Variants in EEIG1 observed in about 807,000 individuals in gnomAD.
EEIG1 encodes early estrogen-induced gene 1 protein.
the EEIG1 span, chr9:127,940,982 T>C: frequency 6.6e-6 from 1 of 152,138 alleles, no homozygotes; most frequent in South Asian, 2.1e-4. Flanking sequence ...TTTCCAAAAA[T>C]ATCTCTGATA....
At chr9:127,976,473 G>A in the EEIG1 span, among the ~76,000 whole-genome samples, 1 of 152,234 alleles carries the variant, frequency 6.6e-6, no homozygotes, top group Non-Finnish European at 1.5e-5. The surrounding 1 kb of genome is among the most constrained non-coding windows in gnomAD (Gnocchi z 4.1). Flanking sequence ...TACCACCTGG[G>A]TGACCTCTGG....
the EEIG1 span, among the ~76,000 whole-genome samples, chr9:127,950,941 G>T: frequency 1.3e-5 from 2 of 152,218 alleles, no homozygotes; most frequent in African/African-American, 4.8e-5. Flanking sequence ...GGGTGCTGGG[G>T]AAAGTGATGG....
At chr9:127,943,551 G>A in the EEIG1 span, 1 of 392,014 alleles carries the variant, frequency 2.6e-6, no homozygotes, top group African/African-American at 2.0e-5. Context: ...AGGCTCAGAG[G>A]GATGTGAGGG....
the EEIG1 span, among the ~76,000 whole-genome samples, chr9:127,959,535 G>C: frequency 6.6e-6 from 1 of 152,188 alleles, no homozygotes; most frequent in South Asian, 2.1e-4. Flanking sequence ...ATCTCAAATT[G>C]TGATCCCCAC....
chr9:127,953,758 G>A, the EEIG1 span: 136 of 1,613,724 alleles, frequency 8.4e-5, 2 homozygotes, highest in South Asian at 1.5e-3. Flanking sequence ...ATGAGGGGAG[G>A]GGCCTATAGC....
chr9:127,980,819 G>GCCT, the EEIG1 span, among the ~76,000 whole-genome samples: 1 of 149,498 alleles, frequency 6.7e-6, no homozygotes. Context: ...CGGAGGCGCC[G>GCCT]CCTCCTCCTC....
At chr9:127,957,857 A>G in the EEIG1 span, among the ~76,000 whole-genome samples, 1 of 152,214 alleles carries the variant, frequency 6.6e-6, no homozygotes, top group Admixed American at 6.5e-5. Context: ...TACTAAAAAT[A>G]CAAAAATTAG....
chr9:127,952,986 G>A, the EEIG1 span, among the ~76,000 whole-genome samples: 1 of 152,312 alleles, frequency 6.6e-6, no homozygotes, highest in South Asian at 2.1e-4. Context: ...CAAAGTGCCA[G>A]GATTATAGGC....
the EEIG1 span, chr9:127,942,963 A>G: frequency 3.4e-6 from 2 of 581,740 alleles, no homozygotes; most frequent in Non-Finnish European, 6.2e-6. Flanking sequence ...CTAGTGGTTC[A>G]GAGGAGAATA....
the EEIG1 span, chr9:127,942,778 GGAGT>G: frequency 4.0e-6 from 1 of 247,620 alleles, no homozygotes; most frequent in South Asian, 4.7e-5. Context: ...CAGTGCTCCT[GGAGT>G]GAGTGGGGAC....
the EEIG1 span, among the ~76,000 whole-genome samples, chr9:127,958,424 G>A: frequency 7.2e-5 from 11 of 152,022 alleles, no homozygotes; most frequent in East Asian, 1.9e-4. Flanking sequence ...CAGCACTTTC[G>A]GAGGCCAAGG....
the EEIG1 span, chr9:127,953,680 C>T: frequency 2.6e-5 from 41 of 1,595,430 alleles, no homozygotes; most frequent in Non-Finnish European, 3.5e-5. Flanking sequence ...CACAATCCCC[C>T]CAGATCTGAG....
the EEIG1 span, chr9:127,953,655 A>G: frequency 6.2e-7 from 1 of 1,609,938 alleles, no homozygotes. Context: ...AATCCCAGGG[A>G]CCTCATGCAT....
chr9:127,944,561 C>T, the EEIG1 span: 2 of 1,303,208 alleles, frequency 1.5e-6, no homozygotes, highest in Non-Finnish European at 2.2e-6. Context: ...GGGGACTCTG[C>T]TCTCACCCCC....
At chr9:127,951,224 G>A in the EEIG1 span, among the ~76,000 whole-genome samples, 65 of 152,284 alleles carry the variant, frequency 4.3e-4, no homozygotes, top group African/African-American at 1.5e-3. Context: ...TGCCAGACTT[G>A]GGGACTTGGA....
chr9:127,966,455 A>G, the EEIG1 span, among the ~76,000 whole-genome samples: 1 of 152,048 alleles, frequency 6.6e-6, no homozygotes, highest in Non-Finnish European at 1.5e-5. Flanking sequence ...AAAAAAAAAA[A>G]AAAAGCCCAT....
the EEIG1 span, among the ~76,000 whole-genome samples, chr9:127,967,915 G>A: frequency 6.6e-6 from 1 of 151,590 alleles, no homozygotes; most frequent in East Asian, 1.9e-4. Context: ...GGAAAAGCTG[G>A]TCACACAGTC....
chr9:127,964,720 C>A, the EEIG1 span, among the ~76,000 whole-genome samples: 2 of 152,202 alleles, frequency 1.3e-5, no homozygotes, highest in African/African-American at 4.8e-5. Flanking sequence ...CCACTGGGTG[C>A]CCAGCACGAA....
chr9:127,968,239 A>G, the EEIG1 span, among the ~76,000 whole-genome samples: 1 of 151,982 alleles, frequency 6.6e-6, no homozygotes, highest in Non-Finnish European at 1.5e-5. Context: ...GAGGAAGGGG[A>G]GAGAGAGGAG....
Sources: allele counts gnomAD v4.1 joint callset (sites outside exome capture counted in the v4.1 genomes callset), GRCh38; gene constraint gnomAD v4.1.1; non-coding constraint Gnocchi (gnomAD v3.1); transcripts MANE v1.5; gene names NCBI Gene and HGNC (gene_info 2026-07-23, HGNC 2026-07-21).